Variants in CDC123 observed in about 807,000 individuals in gnomAD.
CDC123 encodes cell division cycle 123.
Under a neutral mutation model 54.4 loss-of-function variants are expected in CDC123, and 37 were observed. The observed-to-expected ratio is 0.68, with a 90% CI of 0.52 to 0.89. CDC123 has a LOEUF of 0.89. Ranked by LOEUF, CDC123 falls within the 40% of genes least tolerant of loss-of-function variation. The probability of loss-of-function intolerance (pLI) is 0.00; values close to 1 mark genes in which losing one functional copy is unlikely to be tolerated. For synonymous variants in CDC123, 144 were observed against 136.8 expected (o/e 1.05, Z -0.37); for missense variants, 361 against 412.1 (o/e 0.88, Z 1.07).
rs201222763 is a variant in CDC123 at position 12,198,670 on chromosome 10, T to C, written c.75-35T>C. On this transcript the variant is annotated intron_variant, in intron 1 of 12. Transcript: ENST00000281141. ...TTTCTCTCTGCTTATAGTTGGTCTTTTAAAATGATGCCTTTTTTGGTGTTT... is the reference window on the plus strand; with the variant it reads ...TTTCTCTCTGCTTATAGTTGGTCTTCTAAAATGATGCCTTTTTTGGTGTTT... 545 of 1,216,662 alleles carry C rather than the reference T, an allele frequency of 4.5e-4. 1 individual carries two copies. The highest frequency in any genetic ancestry group is 6.2e-4 in the Non-Finnish European group (514 of 831,186). 75.4% of individuals were successfully genotyped at this position (1,216,662 alleles called of 1,614,324 possible).
At chr10:12,210,367 A>G (rs1478061010) in intron 4 of CDC123, 45 bp downstream of exon 4, 1 of 1,611,064 alleles carries the variant, frequency 6.2e-7, no homozygotes, top group Non-Finnish European at 8.5e-7. Flanking sequence ...TCACACTGTC[A>G]CACAAGGGTT....
intron 10 of CDC123, chr10:12,244,646 T>A (rs1453078621): frequency 7.8e-5 from 9 of 114,774 alleles, no homozygotes; most frequent in Non-Finnish European, 1.4e-4. Flanking sequence ...TTTTTCTTTT[T>A]TCTTTTTTTT....
chr10:12,201,294 A>G (rs1475928794), intron 2 of CDC123, among the ~76,000 whole-genome samples: 2 of 152,346 alleles, frequency 1.3e-5, no homozygotes, highest in East Asian at 3.9e-4. Flanking sequence ...TTGATCTAAG[A>G]TGAACATAGC....
intron 6 of CDC123, among the ~76,000 whole-genome samples, chr10:12,228,090 C>T (rs757386782): frequency 1.5e-4 from 22 of 151,716 alleles, no homozygotes; most frequent in African/African-American, 3.1e-4. Flanking sequence ...CTTGAGCCTC[C>T]GTACCGGCTA....
chr10:12,240,341 G>A (rs1836040642), intron 10 of CDC123, among the ~76,000 whole-genome samples: 1 of 152,134 alleles, frequency 6.6e-6, no homozygotes, highest in Non-Finnish European at 1.5e-5. Context: ...CTACACACAA[G>A]CAGAATATTT....
At chr10:12,221,587 A>G (rs1161692276) in intron 6 of CDC123, among the ~76,000 whole-genome samples, 1 of 152,180 alleles carries the variant, frequency 6.6e-6, no homozygotes, top group Admixed American at 6.5e-5. Context: ...GTTTAGATCA[A>G]GCTTGTCCAA....
At chr10:12,222,460 A>G (rs1226414061) in intron 6 of CDC123, among the ~76,000 whole-genome samples, 1 of 152,210 alleles carries the variant, frequency 6.6e-6, no homozygotes, top group African/African-American at 2.4e-5. Context: ...TCTACTAAAA[A>G]TACAAAAAAG....
chr10:12,199,978 C>T (rs1226142268), intron 2 of CDC123, among the ~76,000 whole-genome samples: 8 of 151,672 alleles, frequency 5.3e-5, no homozygotes, highest in African/African-American at 9.7e-5. Context: ...CCCACCACCA[C>T]GCCTGGCTAA....
chr10:12,230,988 G>A lies in CDC123; in HGVS notation c.481G>A (p.Glu161Lys). Reference sequence around the variant, plus strand: ...TGATGATTCTCCAGATCCATGTATAGAATATGAGGTAAGAAGCTTATTTTC... The same window carrying A: ...TGATGATTCTCCAGATCCATGTATAAAATATGAGGTAAGAAGCTTATTTTC... ...CTDDSPDPCI[E>K]YELVLRKWCE... The change falls in exon 7 of 13, where the codon GAA becomes AAA. Residue 161 changes from glutamate to lysine, a missense_variant. Transcript: ENST00000281141. The A allele has an allele frequency of 6.2e-7, 1 of 1,609,592 alleles. No homozygotes were observed. Among genetic ancestry groups the A allele is most frequent in the South Asian group, 1.1e-5 (1 of 90,042 alleles).
intron 6 of CDC123, among the ~76,000 whole-genome samples, chr10:12,228,591 A>T (rs1413668687): frequency 6.6e-6 from 1 of 151,394 alleles, no homozygotes; most frequent in Non-Finnish European, 1.5e-5. Context: ...TTTTTTTGAG[A>T]TGGAGTTTTA....
chr10:12,232,343 G>T (rs543885461), intron 7 of CDC123, among the ~76,000 whole-genome samples: 1 of 151,966 alleles, frequency 6.6e-6, no homozygotes, highest in Non-Finnish European at 1.5e-5. Flanking sequence ...ACACCAATTC[G>T]AATTAGTGCA....
At chr10:12,231,549 C>T (rs901886912) in intron 7 of CDC123, among the ~76,000 whole-genome samples, 1 of 144,888 alleles carries the variant, frequency 6.9e-6, no homozygotes, top group African/African-American at 2.5e-5. Context: ...CGCTTGAACC[C>T]GGGAGGTGGA....
At chr10:12,250,274 T>C in intron 12 of CDC123, 37 bp from the exon 13 acceptor site, 2 of 1,379,668 alleles carry the variant, frequency 1.4e-6, no homozygotes, top group African/African-American at 1.4e-5. Context: ...CCAAGGAGCA[T>C]GTGCTATTTT....
intron 1 of CDC123, 32 bp from the exon 2 acceptor site, chr10:12,198,673 A>G (rs1259557792): frequency 1.6e-6 from 2 of 1,244,980 alleles, no homozygotes; most frequent in Non-Finnish European, 2.3e-6. Flanking sequence ...TGGTCTTTTA[A>G]AATGATGCCT....
At chr10:12,201,336 G>T (rs1013280196) in intron 2 of CDC123, among the ~76,000 whole-genome samples, 1 of 152,150 alleles carries the variant, frequency 6.6e-6, no homozygotes, top group African/African-American at 2.4e-5. Flanking sequence ...ATGAAAATTG[G>T]GATAAGTGCT....
At chr10:12,201,660 G>C (rs182102227) in intron 2 of CDC123, among the ~76,000 whole-genome samples, 121 of 152,292 alleles carry the variant, frequency 7.9e-4, no homozygotes, top group Non-Finnish European at 1.1e-3. Context: ...GTTAAGATTA[G>C]GGGTGTGTGT....
At chr10:12,199,815 A>AG (rs1383576324) in intron 2 of CDC123, among the ~76,000 whole-genome samples, 7 of 151,812 alleles carry the variant, frequency 4.6e-5, no homozygotes, top group Non-Finnish European at 1.0e-4. Context: ...TTACAGATAT[A>AG]ATTTTTTTTG....
At chr10:12,249,144 AT>A (rs71477262) in intron 11 of CDC123, among the ~76,000 whole-genome samples, 2 of 145,946 alleles carry the variant, frequency 1.4e-5, no homozygotes, top group African/African-American at 2.6e-5. Flanking sequence ...AAAAAAAAAA[AT>A]AGTTTGGCAT....
chr10:12,235,634 T>G (rs1835969154), intron 8 of CDC123, among the ~76,000 whole-genome samples: 2 of 152,256 alleles, frequency 1.3e-5, no homozygotes. Flanking sequence ...ACTTAAATAT[T>G]GAAGATAATT....
Sources: gnomAD v4.1 joint callset for allele counts (sites outside exome capture counted in the v4.1 genomes callset) on GRCh38, gnomAD v4.1.1 for gene constraint, MANE v1.5 for transcripts, NCBI Gene and HGNC (gene_info 2026-07-23, HGNC 2026-07-21) for gene names.